Variants in TENM2 observed in about 807,000 individuals in gnomAD.
TENM2 encodes teneurin transmembrane protein 2.
Under a neutral mutation model 245.2 loss-of-function variants are expected in TENM2, and 52 were observed. The ratio of observed to expected loss-of-function variants is 0.21; its 90% CI spans 0.17 to 0.27. The LOEUF is 0.27. Ranked by LOEUF, TENM2 falls within the 10% of genes least tolerant of loss-of-function variation. The pLI, the probability that TENM2 is intolerant of heterozygous loss-of-function variation, is 1.00. For missense variants in TENM2, 3,046 were observed against 3,666.8 expected (o/e 0.83, Z 4.37); for synonymous variants, 1,363 against 1,438.9 (o/e 0.95, Z 1.19).
chr5:167,908,988 T>G (rs1382352703), intron 3 of TENM2, among the ~76,000 whole-genome samples: 1 of 152,082 alleles, frequency 6.6e-6, no homozygotes, highest in Non-Finnish European at 1.5e-5. Flanking sequence ...ATGCATGACT[T>G]AAATAATATT....
At chr5:167,050,550 T>C in the TENM2 span, among the ~76,000 whole-genome samples, 7,326 of 152,174 alleles carry the variant, frequency 0.048, 590 homozygotes, top group African/African-American at 0.16. Context: ...TGAAGAATAA[T>C]TGAAGAGCTT....
chr5:168,153,172 C>T (rs896045625), intron 12 of TENM2, among the ~76,000 whole-genome samples: 5 of 151,972 alleles, frequency 3.3e-5, no homozygotes, highest in African/African-American at 4.8e-5. Flanking sequence ...GACATTGAAC[C>T]GCTTGCTCTC....
chr5:167,193,964 G>A, the TENM2 span, among the ~76,000 whole-genome samples: 1 of 151,862 alleles, frequency 6.6e-6, no homozygotes, highest in Non-Finnish European at 1.5e-5. Flanking sequence ...GAGTCTCAAA[G>A]GCGAGGCACT....
At chr5:167,259,152 G>A in the TENM2 span, among the ~76,000 whole-genome samples, 1 of 152,154 alleles carries the variant, frequency 6.6e-6, no homozygotes, top group Non-Finnish European at 1.5e-5. Flanking sequence ...GAACCACTGT[G>A]TTAGACATAT....
chr5:167,640,270 T>C (rs1195209947), intron 2 of TENM2, among the ~76,000 whole-genome samples: 1 of 152,218 alleles, frequency 6.6e-6, no homozygotes, highest in Non-Finnish European at 1.5e-5. Flanking sequence ...ATATACTAGC[T>C]GTGCCCCACC....
At chr5:167,425,933 G>C (rs1021156652) in intron 2 of TENM2, among the ~76,000 whole-genome samples, 1 of 152,164 alleles carries the variant, frequency 6.6e-6, no homozygotes, top group Non-Finnish European at 1.5e-5. Context: ...TATTAATGTA[G>C]TGTGATTTAT....
intron 25 of TENM2, chr5:168,229,887 G>GTAGTT (rs903942043): frequency 1.3e-5 from 2 of 152,240 alleles, no homozygotes; most frequent in African/African-American, 4.8e-5. Context: ...AATGAGATTA[G>GTAGTT]TAGTTAAATC....
chr5:167,907,095 G>C (rs1776145186), intron 3 of TENM2, among the ~76,000 whole-genome samples: 1 of 152,004 alleles, frequency 6.6e-6, no homozygotes, highest in Admixed American at 6.6e-5. Flanking sequence ...AGCCGGGTGT[G>C]GTGGCGCATG....
intron 2 of TENM2, among the ~76,000 whole-genome samples, chr5:167,859,159 G>A (rs1331464386): frequency 1.8e-4 from 17 of 95,578 alleles, no homozygotes; most frequent in Admixed American, 8.8e-4. Flanking sequence ...CTGCCCGGCC[G>A]AGACCCCGTC....
intron 2 of TENM2, among the ~76,000 whole-genome samples, chr5:167,706,423 G>A (rs910730736): frequency 2.7e-5 from 4 of 149,552 alleles, no homozygotes; most frequent in Admixed American, 2.0e-4. Flanking sequence ...ATGTGACACT[G>A]TACATATATA....
chr5:167,376,310 C>G (rs527378538), intron 2 of TENM2, among the ~76,000 whole-genome samples: 1 of 152,170 alleles, frequency 6.6e-6, no homozygotes, highest in East Asian at 1.9e-4. Flanking sequence ...ACATCAAATG[C>G]TATGTGGTTT....
chr5:167,755,838 G>C (rs1470577745), intron 2 of TENM2, among the ~76,000 whole-genome samples: 1 of 152,148 alleles, frequency 6.6e-6, no homozygotes, highest in African/African-American at 2.4e-5. Flanking sequence ...TGCTGCAGGT[G>C]GCTGGGTTTG....
chr5:167,462,198 C>T (rs1217766056), intron 2 of TENM2, among the ~76,000 whole-genome samples: 1 of 116,528 alleles, frequency 8.6e-6, no homozygotes, highest in Non-Finnish European at 1.7e-5. Flanking sequence ...CCCCCCATTG[C>T]AGGACATGCA....
At chr5:167,244,465 G>A in the TENM2 span, among the ~76,000 whole-genome samples, 22 of 152,210 alleles carry the variant, frequency 1.4e-4, no homozygotes, top group African/African-American at 4.8e-4. Flanking sequence ...TACCATGTGA[G>A]CCACAAGCAG....
chr5:168,036,572 G>T (rs1787684692), intron 5 of TENM2, among the ~76,000 whole-genome samples: 1 of 149,896 alleles, frequency 6.7e-6, no homozygotes, highest in African/African-American at 2.5e-5. Context: ...GGAGGTGGAG[G>T]TTGCAGTGAG....
At chr5:167,700,826 G>A (rs140742171) in intron 2 of TENM2, among the ~76,000 whole-genome samples, 1 of 152,028 alleles carries the variant, frequency 6.6e-6, no homozygotes, top group East Asian at 1.9e-4. Context: ...CCATTTAAAT[G>A]TGTATCGATT....
At chr5:167,840,031 G>A (rs1769359243) in intron 2 of TENM2, among the ~76,000 whole-genome samples, 1 of 152,190 alleles carries the variant, frequency 6.6e-6, no homozygotes, top group South Asian at 2.1e-4. Context: ...GTGTTAGCCA[G>A]GCTGGTCTCA....
At chr5:167,627,583 G>T (rs1289825718) in intron 2 of TENM2, among the ~76,000 whole-genome samples, 2 of 150,206 alleles carry the variant, frequency 1.3e-5, no homozygotes, top group South Asian at 2.1e-4. Context: ...TTTGAAACGG[G>T]GTCTCACTCT....
intron 6 of TENM2, among the ~76,000 whole-genome samples, chr5:168,048,272 A>G (rs566252701): frequency 2.0e-5 from 3 of 152,310 alleles, no homozygotes; most frequent in African/African-American, 7.2e-5. Context: ...AGAGCAGCCA[A>G]TGGAATGGTT....
Sources: allele counts gnomAD v4.1 joint callset (sites outside exome capture counted in the v4.1 genomes callset), GRCh38; gene constraint gnomAD v4.1.1; transcripts MANE v1.5; gene names NCBI Gene and HGNC (gene_info 2026-07-23, HGNC 2026-07-21).